WWOX: variants seen among roughly 807,000 people sequenced by gnomAD.
The protein encoded by WWOX is WW domain-containing oxidoreductase.
Under a neutral mutation model 46.2 loss-of-function variants are expected in WWOX, and 69 were observed. The ratio of observed to expected loss-of-function variants is 1.49; its 90% CI spans 1.23 to 1.82. The LOEUF (loss-of-function observed/expected upper bound fraction) is 1.82, where lower values mean the gene tolerates loss of function less well. Ranked by LOEUF, WWOX falls within the 40% of genes most tolerant of loss-of-function variation. The pLI is 0.00. For synonymous variants in WWOX, 359 were observed against 202.6 expected (o/e 1.77, Z -6.56); for missense variants, 919 against 542.6 (o/e 1.69, Z -6.89).
At chr16:78,465,896 C>T (rs1326617053) in intron 8 of WWOX, among the ~76,000 whole-genome samples, 1 of 152,108 alleles carries the variant, frequency 6.6e-6, no homozygotes, top group African/African-American at 2.4e-5. Context: ...ACTAAGAGGT[C>T]ACATAGGATA....
rs752003995 is a variant in WWOX at position 78,109,805 on chromosome 16, C to G, written c.200C>G (p.Thr67Ser). 1.9e-6 allele frequency: 3 copies of G among 1,614,100 alleles called. No homozygotes were observed. Among genetic ancestry groups the G allele is most frequent in the African/African-American group, 1.3e-5 (1 of 75,014 alleles). Residue 67 changes from threonine to serine, a missense_variant, in exon 3 of 9, where the codon ACT becomes AGT. Transcript: ENST00000566780. The part of the protein sequence containing the change: ...GDLPYGWEQE[T>S]DENGQVFFVD... ...TTGCCATACGGATGGGAACAAGAAA[C>G]TGATGAGAACGGACAAGTGTTTTTT...
chr16:78,975,973 G>A (rs560633555), intron 8 of WWOX, among the ~76,000 whole-genome samples: 17 of 152,086 alleles, frequency 1.1e-4, no homozygotes, highest in African/African-American at 2.4e-4. Context: ...TTTAGTTGCC[G>A]GTGCTTGGAA....
At chr16:78,361,343 G>C (rs1486928414) in intron 5 of WWOX, among the ~76,000 whole-genome samples, 4 of 152,134 alleles carry the variant, frequency 2.6e-5, no homozygotes, top group Admixed American at 2.6e-4. Flanking sequence ...CTTGGTTAAG[G>C]TGATGTCTGC....
intron 5 of WWOX, among the ~76,000 whole-genome samples, chr16:78,379,919 T>G (rs2081918034): frequency 6.6e-6 from 1 of 152,192 alleles, no homozygotes; most frequent in Non-Finnish European, 1.5e-5. Flanking sequence ...GCCTTTGAAG[T>G]GTCGGAAGGA....
chr16:78,822,207 C>T (rs533081737), intron 8 of WWOX, among the ~76,000 whole-genome samples: 11 of 151,766 alleles, frequency 7.2e-5, no homozygotes, highest in South Asian at 6.3e-4. Flanking sequence ...AAAAAATCTA[C>T]GTGAGGCCAG....
chr16:78,327,726 TCTC>T (rs1188444091), intron 5 of WWOX, among the ~76,000 whole-genome samples: 3 of 152,072 alleles, frequency 2.0e-5, no homozygotes, highest in African/African-American at 7.2e-5. Context: ...TAGATAGTCT[TCTC>T]CTTCAGACCC....
At chr16:78,613,457 C>G (rs577959044) in intron 8 of WWOX, among the ~76,000 whole-genome samples, 2 of 152,286 alleles carry the variant, frequency 1.3e-5, no homozygotes, top group African/African-American at 4.8e-5. Context: ...GGAAACCTAC[C>G]TCTGGCAGAA....
At chr16:78,787,301 A>G (rs1185708350) in intron 8 of WWOX, among the ~76,000 whole-genome samples, 8 of 152,170 alleles carry the variant, frequency 5.3e-5, no homozygotes, top group African/African-American at 4.8e-5. Flanking sequence ...AAGAAACACC[A>G]TATCCATTAA....
intron 8 of WWOX, among the ~76,000 whole-genome samples, chr16:78,515,071 A>G (rs1004713774): frequency 6.6e-6 from 1 of 152,112 alleles, no homozygotes; most frequent in Non-Finnish European, 1.5e-5. Context: ...AATACAAAAA[A>G]AAATTAGCTG....
At chr16:78,121,870 A>C (rs2033111040) in intron 4 of WWOX, among the ~76,000 whole-genome samples, 3 of 152,106 alleles carry the variant, frequency 2.0e-5, no homozygotes, top group Non-Finnish European at 2.9e-5. Flanking sequence ...CATGTTGTCC[A>C]TACAGGTCTT....
At chr16:79,070,081 C>T (rs1488749167) in intron 8 of WWOX, among the ~76,000 whole-genome samples, 2 of 152,192 alleles carry the variant, frequency 1.3e-5, no homozygotes, top group Non-Finnish European at 2.9e-5. Context: ...GATAGTTCCT[C>T]CTCAAGACTT....
chr16:78,326,268 T>TG (rs1312475729), intron 5 of WWOX, among the ~76,000 whole-genome samples: 1 of 152,238 alleles, frequency 6.6e-6, no homozygotes, highest in Non-Finnish European at 1.5e-5. Context: ...TGTCATTTGA[T>TG]GCTTTATGTT....
At chr16:79,143,709 A>C (rs949148115) in intron 8 of WWOX, among the ~76,000 whole-genome samples, 3 of 152,138 alleles carry the variant, frequency 2.0e-5, no homozygotes, top group Non-Finnish European at 4.4e-5. Context: ...TGAACCTTAT[A>C]GCAGCCCTGA....
At position 78,660,835 on chromosome 16, in the gene WWOX, A is replaced by G. The variant is rs538342704; in HGVS notation, c.1056+228083A>G. 1.2e-4 allele frequency among the ~76,000 whole-genome samples: 19 copies of G among 152,328 alleles called. No individual in the cohort carries two copies. In the East Asian group the frequency reaches 3.7e-3, roughly 29 times the overall value. ...TCAAAAAATGCATGCAACTGAGACT[A>G]TTGGCTATGTTTTGTTTATTACCTA... On this transcript the variant is annotated intron_variant, in intron 8 of 8. Transcript: ENST00000566780.
intron 8 of WWOX, among the ~76,000 whole-genome samples, chr16:78,974,001 T>C (rs1206409736): frequency 6.6e-6 from 1 of 152,250 alleles, no homozygotes; most frequent in Non-Finnish European, 1.5e-5. Context: ...TTCTTTTCCC[T>C]AGCACAAAAC....
At chr16:78,232,672 TTTAAAC>T (rs1567444841) in intron 5 of WWOX, among the ~76,000 whole-genome samples, 1 of 152,182 alleles carries the variant, frequency 6.6e-6, no homozygotes, top group Non-Finnish European at 1.5e-5. Flanking sequence ...AATGGATAGT[TTTAAAC>T]TTGAATTTAG....
Position 78,476,925 on chromosome 16 carries a change from C to T in WWOX, c.1056+44173C>T, listed in dbSNP as rs145006786. Among the ~76,000 whole-genome samples, 6 of 152,102 alleles carry T rather than the reference C, an allele frequency of 3.9e-5. No homozygotes were observed. In the East Asian group the frequency reaches 5.8e-4, roughly 15 times the overall value. On this transcript the variant is annotated intron_variant, in intron 8 of 8. Coordinates refer to ENST00000566780, the MANE Select transcript of WWOX (RefSeq NM_016373.4). ...TCTCCCCTCTCCCCCTTCTCCTTTC[C>T]GTCCTTCCTCCTTCAGTTCCCTCTT...
intron 8 of WWOX, among the ~76,000 whole-genome samples, chr16:78,742,509 T>G (rs1251899180): frequency 6.6e-6 from 1 of 152,350 alleles, no homozygotes; most frequent in East Asian, 1.9e-4. Flanking sequence ...GCCTCTGGTA[T>G]GTACTAGGTG....
intron 8 of WWOX, among the ~76,000 whole-genome samples, chr16:78,817,680 G>C (rs1003500636): frequency 1.1e-4 from 16 of 152,110 alleles, no homozygotes; most frequent in African/African-American, 3.9e-4. Context: ...TCTTTGTGTG[G>C]TGGCAAACGG....
Sources: allele counts gnomAD v4.1 joint callset (sites outside exome capture counted in the v4.1 genomes callset), GRCh38; gene constraint gnomAD v4.1.1; transcripts MANE v1.5; gene names NCBI Gene and HGNC (gene_info 2026-07-23, HGNC 2026-07-21).